Variants in CDH12 observed in about 807,000 individuals in gnomAD.
CDH12 encodes the protein cadherin-12.
Under a neutral mutation model 74.1 loss-of-function variants are expected in CDH12, and 41 were observed. The observed-to-expected ratio is 0.55, with a 90% CI of 0.43 to 0.72. The LOEUF (loss-of-function observed/expected upper bound fraction) is 0.72, where lower values mean the gene tolerates loss of function less well. Among genes scored for constraint, CDH12 ranks in the 30% least tolerant of loss-of-function variants. CDH12 has a pLI of 0.00. For missense variants in CDH12, 945 were observed against 977.2 expected, an observed-to-expected ratio of 0.97 and a Z score of 0.44; for synonymous variants, 399 against 355.0, an observed-to-expected ratio of 1.12 and a Z score of -1.39.
At chr5:22,775,176 T>A (rs1163470688) in intron 1 of CDH12, among the ~76,000 whole-genome samples, 1 of 152,058 alleles carries the variant, frequency 6.6e-6, no homozygotes, top group African/African-American at 2.4e-5. Context: ...TCAACGTAAG[T>A]GAAATTTTGA....
intron 4 of CDH12, among the ~76,000 whole-genome samples, chr5:22,196,637 G>A (rs1750634592): frequency 6.6e-6 from 1 of 152,086 alleles, no homozygotes; most frequent in South Asian, 2.1e-4. Flanking sequence ...ATCAAAAAAG[G>A]ATATCTGCAA....
At chr5:22,340,259 G>A (rs1739784617) in intron 3 of CDH12, among the ~76,000 whole-genome samples, 1 of 152,172 alleles carries the variant, frequency 6.6e-6, no homozygotes, top group South Asian at 2.1e-4. Context: ...GGGTGCCGTG[G>A]CTCACGCCTG....
intron 1 of CDH12, among the ~76,000 whole-genome samples, chr5:22,671,927 C>T (rs1299682832): frequency 1.3e-5 from 2 of 149,128 alleles, no homozygotes; most frequent in Non-Finnish European, 3.0e-5. Context: ...TTAATTTTGC[C>T]AGAATCATTA....
chr5:22,479,251 T>C (rs2088213255), intron 2 of CDH12, among the ~76,000 whole-genome samples: 1 of 152,224 alleles, frequency 6.6e-6, no homozygotes, highest in Non-Finnish European at 1.5e-5. Context: ...TCTCTTTCAT[T>C]TTTGCATTCT....
intron 5 of CDH12, among the ~76,000 whole-genome samples, chr5:22,058,494 T>C: frequency 6.6e-6 from 1 of 152,064 alleles, no homozygotes; most frequent in Non-Finnish European, 1.5e-5. Context: ...TATTGAAAAT[T>C]TTTTGGAAAT....
chr5:22,091,203 A>C (rs1019683147), intron 4 of CDH12, among the ~76,000 whole-genome samples: 1 of 148,012 alleles, frequency 6.8e-6, no homozygotes, highest in Non-Finnish European at 1.5e-5. Flanking sequence ...GTGTGTATAT[A>C]TATATATATA....
chr5:22,538,522 G>A (rs185053468), intron 1 of CDH12, among the ~76,000 whole-genome samples: 3 of 152,242 alleles, frequency 2.0e-5, no homozygotes, highest in East Asian at 1.9e-4. Context: ...ACAAGACACC[G>A]GTAGCACCAT....
At chr5:21,796,974 C>A (rs1300895787) in intron 10 of CDH12, among the ~76,000 whole-genome samples, 1 of 152,046 alleles carries the variant, frequency 6.6e-6, no homozygotes, top group East Asian at 1.9e-4. Context: ...TCACCTCAAA[C>A]AAATATACAG....
intron 1 of CDH12, among the ~76,000 whole-genome samples, chr5:22,700,930 G>T (rs1005915993): frequency 2.6e-5 from 4 of 152,138 alleles, no homozygotes; most frequent in African/African-American, 4.8e-5. Flanking sequence ...CCATTTTCTT[G>T]CTAGTTTCTA....
chr5:21,922,783 G>C (rs1222701550), intron 6 of CDH12, among the ~76,000 whole-genome samples: 1 of 151,978 alleles, frequency 6.6e-6, no homozygotes, highest in African/African-American at 2.4e-5. Context: ...AGAAAAGATT[G>C]CTTGGATTTC....
At chr5:22,101,929 G>T (rs1028354826) in intron 4 of CDH12, among the ~76,000 whole-genome samples, 4 of 152,108 alleles carry the variant, frequency 2.6e-5, no homozygotes, top group African/African-American at 9.7e-5. Context: ...CTCACAAGAA[G>T]TCATAACCAA....
chr5:21,898,130 A>G (rs1027744234), intron 6 of CDH12, among the ~76,000 whole-genome samples: 5 of 152,132 alleles, frequency 3.3e-5, no homozygotes, highest in African/African-American at 1.2e-4. Flanking sequence ...TAAATAAAAA[A>G]CTTGGCTTAC....
intron 10 of CDH12, among the ~76,000 whole-genome samples, chr5:21,790,055 T>G (rs1746405609): frequency 6.6e-6 from 1 of 152,146 alleles, no homozygotes; most frequent in Non-Finnish European, 1.5e-5. Context: ...TCTGATTTGA[T>G]GAGGACTTTC....
intron 3 of CDH12, among the ~76,000 whole-genome samples, chr5:22,361,924 T>G (rs915781900): frequency 6.6e-6 from 1 of 152,108 alleles, no homozygotes; most frequent in African/African-American, 2.4e-5. Flanking sequence ...TATACAAAAA[T>G]TAATTCAAGA....
chr5:22,544,573 C>T (rs575188724), intron 1 of CDH12, among the ~76,000 whole-genome samples: 3 of 152,064 alleles, frequency 2.0e-5, no homozygotes, highest in Non-Finnish European at 2.9e-5. Flanking sequence ...TCCAACACTT[C>T]GAGAGGCCGA....
At chr5:22,696,635 T>C (rs1450771209) in intron 1 of CDH12, among the ~76,000 whole-genome samples, 1 of 152,204 alleles carries the variant, frequency 6.6e-6, no homozygotes, top group African/African-American at 2.4e-5. Context: ...CACATAACCA[T>C]AGGTAGCTTA....
intron 5 of CDH12, among the ~76,000 whole-genome samples, chr5:22,065,303 G>T (rs1220506636): frequency 2.0e-5 from 3 of 152,130 alleles, no homozygotes; most frequent in Admixed American, 2.0e-4. Flanking sequence ...ACAGAAATCT[G>T]GGGAGTACAT....
Position 22,110,406 on chromosome 5 carries a change from G to T in CDH12, c.-186-31544C>A, listed in dbSNP as rs79686212. On this transcript the variant is annotated intron_variant, in intron 4 of 14. Coordinates refer to ENST00000382254, the MANE Select transcript of CDH12 (RefSeq NM_004061.5). ...CCAGGTACGCTACATGGGAGACAGG[G>T]GTAGTACTCAAATCAATCTCCCCAA... 2.6e-5 allele frequency among the ~76,000 whole-genome samples: 4 copies of T among 152,002 alleles called. No individual in the cohort carries two copies. In the East Asian group the frequency reaches 7.8e-4, roughly 30 times the overall value.
chr5:22,522,459 T>G (rs938857020), intron 1 of CDH12, among the ~76,000 whole-genome samples: 6 of 152,170 alleles, frequency 3.9e-5, no homozygotes, highest in African/African-American at 1.4e-4. Flanking sequence ...TGTTGTTATT[T>G]GCAGACACTG....
Sources: allele counts gnomAD v4.1 joint callset (sites outside exome capture counted in the v4.1 genomes callset), GRCh38; gene constraint gnomAD v4.1.1; transcripts MANE v1.5; gene names NCBI Gene and HGNC (gene_info 2026-07-23, HGNC 2026-07-21).